ATRNL1: variants seen among roughly 807,000 people sequenced by gnomAD.
ATRNL1 encodes the protein attractin-like protein 1.
ATRNL1 carries 95 observed loss-of-function variants against 182.7 expected under a neutral mutation model. The ratio of observed to expected loss-of-function variants is 0.52; its 90% CI spans 0.44 to 0.62. The LOEUF is 0.62. Among genes scored for constraint, ATRNL1 ranks in the 20% least tolerant of loss-of-function variants. The probability of loss-of-function intolerance (pLI) is 0.00; values close to 1 mark genes in which losing one functional copy is unlikely to be tolerated. For missense variants in ATRNL1, 1,471 were observed against 1,679.5 expected, an observed-to-expected ratio of 0.88 and a Z score of 2.17; for synonymous variants, 576 against 568.3, an observed-to-expected ratio of 1.01 and a Z score of -0.19.
At chr10:115,413,433 C>T (rs1174926298) in intron 20 of ATRNL1, among the ~76,000 whole-genome samples, 1 of 152,106 alleles carries the variant, frequency 6.6e-6, no homozygotes, top group African/African-American at 2.4e-5. Flanking sequence ...TGTTTACCAA[C>T]TCCTATGGTA....
At chr10:115,826,826 T>C (rs1242406981) in intron 27 of ATRNL1, among the ~76,000 whole-genome samples, 1 of 152,188 alleles carries the variant, frequency 6.6e-6, no homozygotes, top group African/African-American at 2.4e-5. Flanking sequence ...AAAAAAGCAT[T>C]ATTCAGAAAG....
chr10:115,845,367 G>A (rs1233548353), intron 27 of ATRNL1, among the ~76,000 whole-genome samples: 5 of 151,966 alleles, frequency 3.3e-5, no homozygotes, highest in African/African-American at 1.2e-4. Context: ...CTTTTATGCA[G>A]GCATAATTTC....
At chr10:115,650,076 T>A (rs1451112579) in intron 26 of ATRNL1, among the ~76,000 whole-genome samples, 1 of 152,102 alleles carries the variant, frequency 6.6e-6, no homozygotes, top group Middle Eastern at 3.2e-3. Context: ...ACTAAATAAA[T>A]AGTATTGGAT....
At chr10:115,168,779 A>G (rs1847161661) in intron 7 of ATRNL1, among the ~76,000 whole-genome samples, 1 of 151,902 alleles carries the variant, frequency 6.6e-6, no homozygotes, top group African/African-American at 2.4e-5. Context: ...TCTTGATGTT[A>G]TCTTTTTAAA....
chr10:115,931,363 A>G (rs1555121581), intron 28 of ATRNL1, among the ~76,000 whole-genome samples: 1 of 152,192 alleles, frequency 6.6e-6, no homozygotes, highest in East Asian at 1.9e-4. Flanking sequence ...TAATGCCTCT[A>G]AAGTATAATG....
intron 24 of ATRNL1, among the ~76,000 whole-genome samples, chr10:115,478,812 G>C (rs1478999939): frequency 2.0e-5 from 3 of 151,650 alleles, no homozygotes; most frequent in African/African-American, 7.3e-5. Flanking sequence ...TAGTATTATA[G>C]TTTTGTCAAA....
At chr10:115,463,320 T>A (rs1847903398) in intron 22 of ATRNL1, among the ~76,000 whole-genome samples, 1 of 152,054 alleles carries the variant, frequency 6.6e-6, no homozygotes, top group Admixed American at 6.6e-5. Flanking sequence ...ATGACTGTAT[T>A]CTTGGGGAAT....
intron 13 of ATRNL1, among the ~76,000 whole-genome samples, chr10:115,269,194 G>A (rs1446699226): frequency 6.6e-6 from 1 of 152,122 alleles, no homozygotes; most frequent in Non-Finnish European, 1.5e-5. Context: ...AATATTTATG[G>A]CAGATGAAAA....
At position 115,784,935 on chromosome 10, in the gene ATRNL1, T is replaced by TC. The variant is rs555090049; in HGVS notation, c.3903+57585dup. ...CAACCCAGTACAGGGACTCTCTGGT[T>TC]CCCCCAAATTAAGTTCTATTTCATG... On this transcript the variant is annotated intron_variant, in intron 27 of 28. Transcript: ENST00000355044. 1.6e-3 allele frequency among the ~76,000 whole-genome samples: 242 copies of TC among 152,214 alleles called. 11 individuals carry two copies. The South Asian group carries it at 0.049, about 31-fold the overall frequency.
chr10:115,784,419 A>C (rs2134196365), intron 27 of ATRNL1, among the ~76,000 whole-genome samples: 1 of 152,350 alleles, frequency 6.6e-6, no homozygotes, highest in East Asian at 1.9e-4. Flanking sequence ...TAGAATCCGA[A>C]AAGATTTTCA....
intron 28 of ATRNL1, among the ~76,000 whole-genome samples, chr10:115,855,713 G>A (rs1555101756): frequency 1.3e-5 from 2 of 152,116 alleles, no homozygotes; most frequent in East Asian, 3.9e-4. Flanking sequence ...AATTCATGTA[G>A]GATGGATCAA....
At position 115,093,663 on chromosome 10, in the gene ATRNL1, A is replaced by T; in HGVS notation, c.-88A>T. 11 of 1,352,330 alleles carry T rather than the reference A, an allele frequency of 8.1e-6. No homozygotes were observed. The highest frequency in any genetic ancestry group is 1.1e-5 in the Non-Finnish European group (11 of 997,174). The allele number at this position is 1,352,330 out of a possible 1,614,324, so 83.8% of individuals were successfully genotyped here. On this transcript the variant is annotated 5_prime_UTR_variant, in exon 1 of 29. Transcript: ENST00000355044. The surrounding 1 kb of genome is among the most constrained non-coding windows in gnomAD (Gnocchi z 6.1). The stretch of plus-strand genomic sequence containing the variant: ...TGAGGAGGAGGAGAAGCGGCGGCGG[A>T]GAGGTTTTCTGCGGCCGGAATTCCC...
At chr10:115,157,625 T>C (rs1354931988) in intron 5 of ATRNL1, among the ~76,000 whole-genome samples, 2 of 152,116 alleles carry the variant, frequency 1.3e-5, no homozygotes, top group African/African-American at 4.8e-5. Flanking sequence ...TCACATTGCT[T>C]CCTTCTGCAG....
intron 26 of ATRNL1, among the ~76,000 whole-genome samples, chr10:115,603,936 C>T (rs1323119612): frequency 6.6e-6 from 1 of 151,978 alleles, no homozygotes; most frequent in South Asian, 2.1e-4. Context: ...TCTAGGTGGA[C>T]CTCTTGGAGG....
chr10:115,127,813 T>C (rs1845039680), intron 4 of ATRNL1, 92 bp downstream of exon 4: 4 of 877,602 alleles, frequency 4.6e-6, no homozygotes, highest in Admixed American at 3.8e-5. Flanking sequence ...ATGTCTTGTA[T>C]ACCAGAAGCA....
chr10:115,095,591 A>G (rs546848339), intron 1 of ATRNL1, among the ~76,000 whole-genome samples: 1 of 152,280 alleles, frequency 6.6e-6, no homozygotes, highest in East Asian at 1.9e-4. Flanking sequence ...TAGTATAGTA[A>G]TGTAGTTTTA....
chr10:115,291,433 T>A (rs1852898287), intron 15 of ATRNL1, among the ~76,000 whole-genome samples: 1 of 152,228 alleles, frequency 6.6e-6, no homozygotes, highest in Non-Finnish European at 1.5e-5. Flanking sequence ...TTCAGTATGA[T>A]GTTAGCTGTG....
intron 9 of ATRNL1, among the ~76,000 whole-genome samples, chr10:115,236,191 G>A (rs1394290046): frequency 1.3e-5 from 2 of 151,978 alleles, no homozygotes; most frequent in African/African-American, 4.8e-5. Flanking sequence ...TACCCTCAAG[G>A]AACCTAGGTT....
At chr10:115,307,595 G>A (rs1234986322) in intron 17 of ATRNL1, among the ~76,000 whole-genome samples, 6 of 152,210 alleles carry the variant, frequency 3.9e-5, no homozygotes, top group African/African-American at 1.2e-4. Flanking sequence ...CCTGTGTGTC[G>A]TTGTGGGGAA....
Sources: allele counts gnomAD v4.1 joint callset (sites outside exome capture counted in the v4.1 genomes callset), GRCh38; gene constraint gnomAD v4.1.1; non-coding constraint Gnocchi (gnomAD v3.1); transcripts MANE v1.5; gene names NCBI Gene and HGNC (gene_info 2026-07-23, HGNC 2026-07-21).